GALNT5: variants seen among roughly 807,000 people sequenced by gnomAD.
GALNT5 encodes polypeptide N-acetylgalactosaminyltransferase 5.
In GALNT5, 72 loss-of-function variants were observed where a neutral mutation model predicts 85.4. The observed-to-expected ratio is 0.84, with a 90% CI of 0.70 to 1.03. GALNT5 has a LOEUF of 1.03. Among genes scored for constraint, GALNT5 ranks in the 50% least tolerant of loss-of-function variants. The pLI is 0.00. For synonymous variants in GALNT5, 404 were observed against 397.0 expected (o/e 1.02, Z -0.21); for missense variants, 1,137 against 1,135.5 (o/e 1.00, Z -0.02).
At chr2:157,309,388 C>A (rs1330822203) in intron 9 of GALNT5, among the ~76,000 whole-genome samples, 3 of 152,212 alleles carry the variant, frequency 2.0e-5, no homozygotes, top group African/African-American at 7.2e-5. Context: ...CCAGTTGTTC[C>A]ATTTACCAGA....
At chr2:157,298,220 A>G (rs1250409727) in intron 5 of GALNT5, among the ~76,000 whole-genome samples, 1 of 152,184 alleles carries the variant, frequency 6.6e-6, no homozygotes, top group African/African-American at 2.4e-5. Context: ...TCTAAGGCCA[A>G]TTCCTGCTGA....
intron 9 of GALNT5, among the ~76,000 whole-genome samples, chr2:157,309,916 A>G (rs1683531626): frequency 6.6e-6 from 1 of 152,202 alleles, no homozygotes; most frequent in Non-Finnish European, 1.5e-5. Flanking sequence ...ATCCATAAAC[A>G]TGCAGTGTAG....
At chr2:157,282,116 T>A (rs937213964) in intron 1 of GALNT5, among the ~76,000 whole-genome samples, 3 of 152,218 alleles carry the variant, frequency 2.0e-5, no homozygotes, top group Admixed American at 1.3e-4. Flanking sequence ...TCTGATATTT[T>A]AAGTTAGCAT....
At chr2:157,300,582 TA>T in intron 6 of GALNT5, 93 bp from the exon 7 acceptor site, 1 of 933,550 alleles carries the variant, frequency 1.1e-6, no homozygotes, top group Non-Finnish European at 1.7e-6. Context: ...TTACTTCAGG[TA>T]GGGGGAAACA....
At chr2:157,302,692 C>T (rs1359757321) in intron 7 of GALNT5, 1 of 152,098 alleles carries the variant, frequency 6.6e-6, no homozygotes, top group African/African-American at 2.4e-5. Flanking sequence ...CACTAGAAAA[C>T]TACCTTTGGG....
At chr2:157,286,694 G>A (rs578153841) in intron 3 of GALNT5, among the ~76,000 whole-genome samples, 2 of 151,896 alleles carry the variant, frequency 1.3e-5, no homozygotes, top group South Asian at 2.1e-4. Flanking sequence ...TAATAGAGAC[G>A]GGGTTTCACT....
intron 1 of GALNT5, among the ~76,000 whole-genome samples, chr2:157,274,809 T>G (rs1335263850): frequency 6.6e-6 from 1 of 152,230 alleles, no homozygotes; most frequent in African/African-American, 2.4e-5. Context: ...TAGTTTCTTT[T>G]GCCATGCAGA....
intron 7 of GALNT5, among the ~76,000 whole-genome samples, chr2:157,304,250 C>G (rs1416914097): frequency 6.6e-6 from 1 of 152,208 alleles, no homozygotes; most frequent in Non-Finnish European, 1.5e-5. Context: ...CCCACATTTA[C>G]TAACAGTGAG....
intron 2 of GALNT5, among the ~76,000 whole-genome samples, chr2:157,285,477 T>C (rs534449979): frequency 6.6e-6 from 1 of 152,252 alleles, no homozygotes. Flanking sequence ...GAAATGACTG[T>C]AAGTCACATA....
At chr2:157,302,045 TAGAC>T (rs770997845) in intron 7 of GALNT5, 23 of 152,262 alleles carry the variant, frequency 1.5e-4, no homozygotes, top group Non-Finnish European at 1.6e-4. Flanking sequence ...CTGGGGTTCT[TAGAC>T]AGTCATGCTT....
intron 1 of GALNT5, among the ~76,000 whole-genome samples, chr2:157,283,987 T>C (rs2105142425): frequency 6.6e-6 from 1 of 152,316 alleles, no homozygotes; most frequent in Middle Eastern, 3.4e-3. Flanking sequence ...TCCACTGCAG[T>C]GTGATGTCTG....
intron 1 of GALNT5, among the ~76,000 whole-genome samples, chr2:157,277,785 A>G (rs1222538536): frequency 6.6e-6 from 1 of 152,138 alleles, no homozygotes; most frequent in Admixed American, 6.5e-5. Context: ...AATTTGCCAG[A>G]CTGTGTCTTT....
chr2:157,272,365 T>C (rs1051299521), intron 1 of GALNT5, among the ~76,000 whole-genome samples: 5 of 152,342 alleles, frequency 3.3e-5, no homozygotes, highest in African/African-American at 9.6e-5. Flanking sequence ...ATTTACCTTT[T>C]ACTCCTTTTT....
In GALNT5 at chr2:157,258,010, G is replaced by A. The variant is rs990401119; in HGVS notation, c.-73G>A. ...CTCTGCTGCTGCTGCTGCTGCTGCT[G>A]CTACTTCAGCTTCCTCTCCACTCAA... On this transcript the variant is annotated 5_prime_UTR_variant, in exon 1 of 10. Transcript: ENST00000259056. The A allele has an allele frequency of 2.0e-6, 3 of 1,516,056 alleles. No individual in the cohort carries two copies. Among genetic ancestry groups the A allele is most frequent in the East Asian group, 2.3e-5 (1 of 44,410 alleles). 93.9% of individuals were successfully genotyped at this position (1,516,056 alleles called of 1,614,324 possible).
rs897074430 is a variant in GALNT5, at chr2:157,317,015, G to C, written c.*5667G>C. Among the ~76,000 whole-genome samples, 1 of 151,454 alleles carries C rather than the reference G, an allele frequency of 6.6e-6. No homozygotes were observed. The highest frequency in any genetic ancestry group is 2.4e-5 in the African/African-American group (1 of 41,274). ...AACAAGAGCTTTCTGTTTTATTATT[G>C]ATTGACAGATATTTACCAGTTTAAG... On this transcript the variant is annotated 3_prime_UTR_variant, in exon 10 of 10. Coordinates refer to ENST00000259056, the MANE Select transcript of GALNT5 (RefSeq NM_014568.3).
At chr2:157,298,062 G>A (rs932422680) in intron 5 of GALNT5, among the ~76,000 whole-genome samples, 1 of 152,134 alleles carries the variant, frequency 6.6e-6, no homozygotes, top group East Asian at 1.9e-4. Flanking sequence ...GCTTTGAAAG[G>A]TGCTTGCCAT....
In GALNT5 at chr2:157,295,759, C is replaced by G. The variant is rs1161363927; in HGVS notation, c.1838C>G (p.Ala613Gly). Residue 613 changes from alanine to glycine, a missense_variant, in exon 4 of 10, where the codon GCC becomes GGC. Physicochemically the swap from Ala to Gly is moderately conservative, Grantham distance 60. Transcript: ENST00000259056. ...ERVYLSRKKV[A>G]CPVIEVINDK... ...GTTTATTTAAGTAGAAAGAAAGTGG[C>G]CTGTCCAGTAATCGAAGTCATCAAT... The G allele has an allele frequency of 6.2e-7, 1 of 1,607,972 alleles. No individual in the cohort carries two copies. The highest frequency in any genetic ancestry group is 1.7e-5 in the Admixed American group (1 of 59,902).
At chr2:157,290,112 T>TATATATATATATATATATACACACAC (rs1416458086) in intron 3 of GALNT5, among the ~76,000 whole-genome samples, 109 of 138,156 alleles carry the variant, frequency 7.9e-4, no homozygotes, top group African/African-American at 2.6e-3. Context: ...TATATATATA[T>TATATATATATATATATATACACACAC]ACATACACAA....
chr2:157,257,999 C>CTGCTGCTGA lies in GALNT5; in HGVS notation c.-76_-75insATGCTGCTG. On this transcript the variant is annotated 5_prime_UTR_variant, in exon 1 of 10. It adds an upstream start codon to the 5' untranslated region. Coordinates refer to ENST00000259056, the MANE Select transcript of GALNT5 (RefSeq NM_014568.3). ...CTTTCTGGCAACTCTGCTGCTGCTG[C>CTGCTGCTGA]TGCTGCTGCTGCTACTTCAGCTTCC... 6.8e-7 allele frequency: 1 copy of CTGCTGCTGA among 1,466,292 alleles called. No individual in the cohort carries two copies. Among genetic ancestry groups the CTGCTGCTGA allele is most frequent in the Non-Finnish European group, 9.4e-7 (1 of 1,059,936 alleles). 90.8% of individuals were successfully genotyped at this position (1,466,292 alleles called of 1,614,324 possible). A position where few individuals can be genotyped will look rare whatever the true frequency, so the allele number is the denominator to read the frequency against.
Sources: allele counts gnomAD v4.1 joint callset (sites outside exome capture counted in the v4.1 genomes callset), GRCh38; gene constraint gnomAD v4.1.1; transcripts MANE v1.5; gene names NCBI Gene and HGNC (gene_info 2026-07-23, HGNC 2026-07-21).